HOMER3: variants seen among roughly 807,000 people sequenced by gnomAD.
HOMER3 encodes the protein homer scaffold protein 3, also known as homer protein homolog 3.
A neutral mutation model predicts 45.5 loss-of-function variants in HOMER3; 34 were observed. The ratio of observed to expected loss-of-function variants is 0.75; its 90% CI spans 0.57 to 1.00. The LOEUF (loss-of-function observed/expected upper bound fraction) is 1.00, where lower values mean the gene tolerates loss of function less well. Ranked by LOEUF, HOMER3 falls within the 50% of genes least tolerant of loss-of-function variation. HOMER3 has a pLI of 0.00. For synonymous variants in HOMER3, 223 were observed against 208.8 expected (o/e 1.07, Z -0.58); for missense variants, 480 against 497.5 (o/e 0.96, Z 0.33).
Position 18,934,372 on chromosome 19 carries a change from C to A in HOMER3, c.342G>T (p.Arg114Ser), listed in dbSNP as rs751182214. The stretch of plus-strand genomic sequence containing the variant: ...CATCCTGAGATTTCTCCCTGGCCAG[C>A]CTGGCTGCTTCCTTCACTTCCTGGA... ...EKFQEVKEAA[R>S]LAREKSQDGG... The change falls in exon 5 of 10, where the codon AGG becomes AGT. Residue 114 changes from arginine to serine, a missense_variant. Arg to Ser is a moderately radical substitution (Grantham distance 110). Coordinates refer to ENST00000392351, the MANE Select transcript of HOMER3 (RefSeq NM_004838.4). 6.3e-7 allele frequency: 1 copy of A among 1,594,596 alleles called. No individual in the cohort carries two copies.
intron 6 of HOMER3, among the ~76,000 whole-genome samples, chr19:18,932,433 G>C: frequency 6.6e-6 from 1 of 151,596 alleles, no homozygotes; most frequent in Non-Finnish European, 1.5e-5. Context: ...CCAGAGGAGG[G>C]GTGGCTTTGG....
At chr19:18,930,485 T>C (rs367736157) in intron 9 of HOMER3, among the ~76,000 whole-genome samples, 1 of 151,024 alleles carries the variant, frequency 6.6e-6, no homozygotes, top group African/African-American at 2.4e-5. Context: ...GAGGCGGAGC[T>C]TGCGCCACTG....
At chr19:18,937,421 A>G (rs1006170255) in intron 4 of HOMER3, among the ~76,000 whole-genome samples, 3 of 152,040 alleles carry the variant, frequency 2.0e-5, no homozygotes, top group Non-Finnish European at 4.4e-5. Flanking sequence ...TCATGCCTGT[A>G]ATCCCAGCAC....
At chr19:18,934,943 C>T (rs1368006803) in intron 4 of HOMER3, among the ~76,000 whole-genome samples, 2 of 150,992 alleles carry the variant, frequency 1.3e-5, no homozygotes, top group Admixed American at 6.6e-5. Context: ...TCTTGGCTCA[C>T]GGCAGCCTCT....
intron 4 of HOMER3, among the ~76,000 whole-genome samples, chr19:18,937,326 G>GA (rs2057103848): frequency 1.0e-5 from 1 of 97,630 alleles, no homozygotes; most frequent in Non-Finnish European, 2.3e-5. Flanking sequence ...AAAAAAAAAA[G>GA]AAGGGAGGGA....
chr19:18,931,826 T>G, intron 7 of HOMER3, 150 bp downstream of exon 7: 1 of 1,427,472 alleles, frequency 7.0e-7, no homozygotes, highest in Non-Finnish European at 9.2e-7. Context: ...TCAAACCCAT[T>G]TTACAGAGCA....
At chr19:18,931,665 C>T in intron 7 of HOMER3, 40 bp from the exon 8 acceptor site, 1 of 1,556,570 alleles carries the variant, frequency 6.4e-7, no homozygotes, top group Non-Finnish European at 8.7e-7. Context: ...CCCCCGCCTG[C>T]ACTCTCCCTT....
chr19:18,931,447 G>A (rs778086699), intron 8 of HOMER3, 36 bp from the exon 9 acceptor site: 2 of 1,612,346 alleles, frequency 1.2e-6, no homozygotes, highest in Admixed American at 1.7e-5. Context: ...TGTTGCGGGG[G>A]TCCTGGCTTT....
In HOMER3 at chr19:18,929,597, A is replaced by G; in HGVS notation, c.932T>C (p.Leu311Pro). 6.5e-7 allele frequency: 1 copy of G among 1,537,752 alleles called. No individual in the cohort carries two copies. Among genetic ancestry groups the G allele is most frequent in the Non-Finnish European group, 8.8e-7 (1 of 1,140,600 alleles). The change falls in exon 10 of 10, where the codon CTG becomes CCG. Residue 311 changes from leucine (L) to proline (P), a missense_variant. By Grantham distance (98) the Leu-to-Pro change is moderately conservative. Coordinates refer to ENST00000392351, the MANE Select transcript of HOMER3 (RefSeq NM_004838.4). ...CTCCAGGCTGCGCTCCATCGCCCGC[A>G]GCTGGTGCTCCAACTCCGCATTGCG... ...ETRNAELEHQLRAMERSLEEA... is the reference protein window; with the variant it reads ...ETRNAELEHQPRAMERSLEEA...
intron 6 of HOMER3, 60 bp downstream of exon 6, chr19:18,932,864 G>T: frequency 8.0e-7 from 1 of 1,246,562 alleles, no homozygotes; most frequent in Non-Finnish European, 1.0e-6. Flanking sequence ...TCCAAGAACC[G>T]CCTCCTCGTC....
At chr19:18,936,170 A>G (rs7252749) in intron 4 of HOMER3, among the ~76,000 whole-genome samples, 3,964 of 150,686 alleles carry the variant, frequency 0.026, 203 homozygotes, top group African/African-American at 0.09. Context: ...AAAATCAGCC[A>G]GGCATGGTGG....
At chr19:18,931,671 C>T (rs1215130543) in intron 7 of HOMER3, 46 bp from the exon 8 acceptor site, 1 of 1,543,192 alleles carries the variant, frequency 6.5e-7, no homozygotes, top group Non-Finnish European at 8.7e-7. Flanking sequence ...CCTGCACTCT[C>T]CCTTGCTCGC....
rs538861611 is a variant in HOMER3 at position 18,936,987 on chromosome 19, C to T, written c.303+1366G>A. Among the ~76,000 whole-genome samples the T allele has an allele frequency of 2.0e-4, 29 of 142,072 alleles. No homozygotes were observed. In the South Asian group the frequency reaches 5.5e-3, roughly 27 times the overall value. The allele number at this position is 142,072 out of a possible 152,430, so 93.2% of individuals were successfully genotyped here. A position where few individuals can be genotyped will look rare whatever the true frequency, so the allele number is the denominator to read the frequency against. Reference sequence around the variant, plus strand: ...CTGCACTCCAGCCTGTGCGACAGAGCGAGACTCCGTCTCAAAAAAAAAAAA... The same window carrying T: ...CTGCACTCCAGCCTGTGCGACAGAGTGAGACTCCGTCTCAAAAAAAAAAAA... On this transcript the variant is annotated intron_variant, in intron 4 of 9. Transcript: ENST00000392351.
In HOMER3 at chr19:18,933,037, CG is replaced by C; in HGVS notation, c.419del (p.Pro140ArgfsTer32). On this transcript the variant is annotated frameshift_variant, in exon 6 of 10. Coordinates refer to ENST00000392351, the MANE Select transcript of HOMER3 (RefSeq NM_004838.4). LOFTEE classifies it high-confidence loss of function. ...GGCCGTTGGCACTGACGAGAGGGCTCGGGGGCACCTAGGCACGGGGAAAAGA... is the reference window on the plus strand; with the variant it reads ...GGCCGTTGGCACTGACGAGAGGGCTCGGGGCACCTAGGCACGGGGAAAAGA... ...ALGLASHQVP[P>X]SPLVSANGPG... The C allele has an allele frequency of 2.0e-6, 3 of 1,488,238 alleles. No homozygotes were observed. The highest frequency in any genetic ancestry group is 2.7e-6 in the Non-Finnish European group (3 of 1,123,672). 92.2% of individuals were successfully genotyped at this position (1,488,238 alleles called of 1,614,324 possible). A position where few individuals can be genotyped will look rare whatever the true frequency, so the allele number is the denominator to read the frequency against.
intron 9 of HOMER3, 46 bp downstream of exon 9, chr19:18,931,279 G>A: frequency 6.7e-7 from 1 of 1,498,210 alleles, no homozygotes; most frequent in Non-Finnish European, 9.3e-7. Context: ...GTCTGTTGAG[G>A]TGACTGTCAC....
chr19:18,931,380 C>A lies in HOMER3; in HGVS notation c.839G>T (p.Gly280Val). The A allele has an allele frequency of 6.2e-7, 1 of 1,614,130 alleles. No individual in the cohort carries two copies. The highest frequency in any genetic ancestry group is 8.5e-7 in the Non-Finnish European group (1 of 1,180,008). ...GGCAGCCTCCAGGGCCTCGCGGGGC[C>A]CCCCAGTCTGACTCTTCAGGGTCTG... is the stretch of plus-strand genomic sequence containing the variant. ...EIQTLKSQTG[G>V]PREALEAAER... is the part of the protein sequence containing the mutation. Residue 280 changes from glycine (G) to valine (V), a missense_variant, in exon 9 of 10, where the codon GGG becomes GTG. Coordinates refer to ENST00000392351, the MANE Select transcript of HOMER3 (RefSeq NM_004838.4).
rs765119510 is a variant in HOMER3, at chr19:18,929,454, C to T, written c.1075G>A (p.Ala359Thr). 1 of 1,596,034 alleles carries T rather than the reference C, an allele frequency of 6.3e-7. No individual in the cohort carries two copies. The highest frequency in any genetic ancestry group is 1.1e-5 in the South Asian group (1 of 89,566). Residue 359 changes from alanine (A) to threonine (T), a missense_variant, in exon 10 of 10, where the codon GCT (alanine) becomes ACT (threonine). Ala to Thr is a moderately conservative substitution (Grantham distance 58). Coordinates refer to ENST00000392351, the MANE Select transcript of HOMER3 (RefSeq NM_004838.4). ...AAACCAGCCCCGGCTCAGGGCGCAG[C>T]CTCAGCCAGGCGGGCCAGGCCCTCA... ...LREGLARLAE[A>T]AP
Position 18,938,902 on chromosome 19 carries a change from G to A in HOMER3, c.15-18C>T, listed in dbSNP as rs766645513. On this transcript the variant is annotated intron_variant, in intron 2 of 9. Coordinates refer to ENST00000392351, the MANE Select transcript of HOMER3 (RefSeq NM_004838.4). ...GCTGCTCCCTGCGTGGGGAGAGGGT[G>A]TTTGGTGGGGGCCAGGCACCCCCAC... 3.1e-6 allele frequency: 5 copies of A among 1,605,734 alleles called. No individual in the cohort carries two copies. The highest frequency in any genetic ancestry group is 1.1e-5 in the South Asian group (1 of 89,506).
Position 18,929,474 on chromosome 19 carries a change from C to A in HOMER3, c.1055G>T (p.Gly352Val), listed in dbSNP as rs1199763288. 3 of 1,600,132 alleles carry A rather than the reference C, an allele frequency of 1.9e-6. No homozygotes were observed. Among genetic ancestry groups the A allele is most frequent in the Admixed American group, 1.7e-5 (1 of 58,646 alleles). Residue 352 changes from glycine (G) to valine (V), a missense_variant, in exon 10 of 10, where the codon GGC becomes GTC. Physicochemically the swap from Gly to Val is moderately radical, Grantham distance 109 (BLOSUM62 -3). Coordinates refer to ENST00000392351, the MANE Select transcript of HOMER3 (RefSeq NM_004838.4). ...CGCAGCCTCAGCCAGGCGGGCCAGG[C>A]CCTCACGCAGCTCACTCAGCTCAAA... is the stretch of plus-strand genomic sequence containing the variant. ...SLFELSELRE[G>V]LARLAEAAP
Sources: allele counts gnomAD v4.1 joint callset (sites outside exome capture counted in the v4.1 genomes callset), GRCh38; gene constraint gnomAD v4.1.1; transcripts MANE v1.5; gene names NCBI Gene and HGNC (gene_info 2026-07-23, HGNC 2026-07-21).